Variants in CNTLN observed in about 807,000 individuals in gnomAD.
CNTLN encodes centlein.
Under a neutral mutation model 180.0 loss-of-function variants are expected in CNTLN, and 212 were observed. That is an observed-to-expected ratio of 1.18 (90% CI 1.05 to 1.32). The LOEUF is 1.32. Ranked by LOEUF, CNTLN falls within the 40% of genes most tolerant of loss-of-function variation. The pLI is 0.00. For missense variants in CNTLN, 2,095 were observed against 1,610.9 expected, an observed-to-expected ratio of 1.30 and a Z score of -5.14; for synonymous variants, 722 against 563.1, an observed-to-expected ratio of 1.28 and a Z score of -3.99.
In CNTLN at chr9:17,176,702, A is replaced by T. The variant is rs144242549; in HGVS notation, c.449+33326A>T. The stretch of plus-strand genomic sequence containing the variant: ...ATTTGGTGGAATTCTTTAGTAAATT[A>T]TCTGAACCTGGAGGGTTCTTTTCTG... On this transcript the variant is annotated intron_variant, in intron 2 of 25. Transcript: ENST00000380647. 5.1e-3 allele frequency among the ~76,000 whole-genome samples: 784 copies of T among 152,330 alleles called. 5 individuals are homozygous for T. Among genetic ancestry groups the T allele is most frequent in the African/African-American group, 0.018 (729 of 41,586 alleles).
At chr9:17,279,037 A>G (rs929695348) in intron 6 of CNTLN, among the ~76,000 whole-genome samples, 5 of 145,586 alleles carry the variant, frequency 3.4e-5, no homozygotes, top group East Asian at 3.9e-4. Context: ...AAGGAACACT[A>G]TCTTTCTAAA....
At chr9:17,215,707 G>A (rs76026995) in intron 2 of CNTLN, among the ~76,000 whole-genome samples, 1 of 152,060 alleles carries the variant, frequency 6.6e-6, no homozygotes, top group East Asian at 1.9e-4. Flanking sequence ...CACGCAGTTC[G>A]AGCTTCTTGG....
chr9:17,391,809 T>C lies in CNTLN; in HGVS notation c.2080-2725T>C, dbSNP rs74360640. On this transcript the variant is annotated intron_variant, in intron 14 of 25. Transcript: ENST00000380647. ...AGTAATAATGATAATGATAATAAAT[T>C]GTTTACTACTTACTGTCAGGAATTA... Among the ~76,000 whole-genome samples, 260 of 152,238 alleles carry C rather than the reference T, an allele frequency of 1.7e-3. 3 individuals carry two copies. The highest frequency in any genetic ancestry group is 6.0e-3 in the African/African-American group (250 of 41,538).
At chr9:17,460,139 T>C (rs944893239) in intron 19 of CNTLN, among the ~76,000 whole-genome samples, 2 of 151,726 alleles carry the variant, frequency 1.3e-5, no homozygotes, top group African/African-American at 4.8e-5. Flanking sequence ...TTTTCTGATG[T>C]CTCTGGTTCA....
the CNTLN span, among the ~76,000 whole-genome samples, chr9:17,526,266 CA>C: frequency 1.6e-4 from 25 of 152,208 alleles, no homozygotes; most frequent in Admixed American, 5.2e-4. Flanking sequence ...TTTCCCTACT[CA>C]AAATAGCCAA....
intron 5 of CNTLN, among the ~76,000 whole-genome samples, chr9:17,261,052 T>C (rs1299887895): frequency 6.6e-6 from 1 of 151,310 alleles, no homozygotes; most frequent in African/African-American, 2.4e-5. Context: ...TTTGTACCAA[T>C]AGTACCATGC....
intron 12 of CNTLN, among the ~76,000 whole-genome samples, chr9:17,362,530 A>G (rs2133398833): frequency 6.6e-6 from 1 of 152,286 alleles, no homozygotes; most frequent in Admixed American, 6.5e-5. Flanking sequence ...CAGGAAGTAT[A>G]CTGAGTGAGG....
At chr9:17,141,643 A>G (rs912475371) in intron 1 of CNTLN, among the ~76,000 whole-genome samples, 1 of 152,206 alleles carries the variant, frequency 6.6e-6, no homozygotes, top group Admixed American at 6.5e-5. Flanking sequence ...CTATGAGACC[A>G]TGATACATAG....
chr9:17,165,155 A>C (rs989019026), intron 2 of CNTLN, among the ~76,000 whole-genome samples: 1 of 152,044 alleles, frequency 6.6e-6, no homozygotes, highest in African/African-American at 2.4e-5. Context: ...ACATTTTCCT[A>C]AGTGACTTTT....
chr9:17,164,458 T>TTTA, intron 2 of CNTLN, among the ~76,000 whole-genome samples: 1 of 82,472 alleles, frequency 1.2e-5, no homozygotes, highest in South Asian at 6.0e-4. Flanking sequence ...TATTTTTATG[T>TTTA]TTTTTTTTTT....
At chr9:17,472,859 A>G (rs1261784857) in intron 23 of CNTLN, among the ~76,000 whole-genome samples, 3 of 152,012 alleles carry the variant, frequency 2.0e-5, no homozygotes, top group African/African-American at 4.8e-5. Flanking sequence ...TAGTGCAACA[A>G]TTTTTGACCT....
intron 18 of CNTLN, among the ~76,000 whole-genome samples, chr9:17,453,805 G>C (rs183948364): frequency 9.2e-5 from 14 of 152,308 alleles, no homozygotes; most frequent in Non-Finnish European, 1.9e-4. Context: ...TTGACTTGTA[G>C]CTCGTCTCAT....
At chr9:17,179,918 A>T (rs190109750) in intron 2 of CNTLN, among the ~76,000 whole-genome samples, 1 of 152,230 alleles carries the variant, frequency 6.6e-6, no homozygotes, top group African/African-American at 2.4e-5. Flanking sequence ...TCATTGTATA[A>T]TGTCCCTTAC....
At chr9:17,157,706 G>A (rs539825593) in intron 2 of CNTLN, among the ~76,000 whole-genome samples, 2 of 152,146 alleles carry the variant, frequency 1.3e-5, no homozygotes, top group South Asian at 2.1e-4. Context: ...TTTGCTCTCT[G>A]CTATGATAAT....
At chr9:17,327,315 C>T (rs944354078) in intron 8 of CNTLN, among the ~76,000 whole-genome samples, 1 of 149,932 alleles carries the variant, frequency 6.7e-6, no homozygotes, top group African/African-American at 2.5e-5. Context: ...AGGTTCACGG[C>T]CATCCTCCTG....
Position 17,462,953 on chromosome 9 carries a change from T to G in CNTLN, c.3344T>G (p.Val1115Gly). 2 of 1,583,348 alleles carry G rather than the reference T, an allele frequency of 1.3e-6. No homozygotes were observed. The highest frequency in any genetic ancestry group is 1.7e-6 in the Non-Finnish European group (2 of 1,168,358). The part of the protein sequence containing the change: ...TNELTKQSSN[V>G]KTLKFELLAK... ...GAACTCACTAAACAGTCATCAAATG[T>G]GAAGACTTTGAAATTTGAACTCCTA... The change falls in exon 20 of 26, where the codon GTG (valine) becomes GGG (glycine). Residue 1115 changes from valine to glycine, a missense_variant. Physicochemically the swap from Val to Gly is moderately radical, Grantham distance 109 (BLOSUM62 -3). Transcript: ENST00000380647.
intron 12 of CNTLN, among the ~76,000 whole-genome samples, chr9:17,354,233 C>G (rs1822625439): frequency 6.6e-6 from 1 of 152,164 alleles, no homozygotes; most frequent in Admixed American, 6.5e-5. Context: ...TCCATGGGCT[C>G]CTGTGCAGCC....
At chr9:17,193,881 A>G (rs1821950577) in intron 2 of CNTLN, among the ~76,000 whole-genome samples, 1 of 152,206 alleles carries the variant, frequency 6.6e-6, no homozygotes, top group Non-Finnish European at 1.5e-5. Context: ...GTTTCCGTAC[A>G]TCTTCTGAAA....
chr9:17,310,955 G>C (rs1408372008), intron 8 of CNTLN, among the ~76,000 whole-genome samples: 1 of 151,920 alleles, frequency 6.6e-6, no homozygotes, highest in Non-Finnish European at 1.5e-5. Context: ...ATATATGGCA[G>C]ATATCTCACT....
Sources: gnomAD v4.1 joint callset for allele counts (sites outside exome capture counted in the v4.1 genomes callset) on GRCh38, gnomAD v4.1.1 for gene constraint, MANE v1.5 for transcripts, NCBI Gene and HGNC (gene_info 2026-07-23, HGNC 2026-07-21) for gene names.